Variants in UBE2QL1 observed in about 807,000 individuals in gnomAD.
UBE2QL1 encodes ubiquitin-conjugating enzyme E2Q-like protein 1.
UBE2QL1 carries 5 observed loss-of-function variants against 12.6 expected under a neutral mutation model. The observed-to-expected ratio is 0.40, with a 90% CI of 0.21 to 0.83. The LOEUF (loss-of-function observed/expected upper bound fraction) is 0.83, where lower values mean the gene tolerates loss of function less well. UBE2QL1 is among the 40% of genes least tolerant of loss of function. UBE2QL1 has a pLI of 0.37. For synonymous variants in UBE2QL1, 96 were observed against 94.5 expected, an observed-to-expected ratio of 1.02 and a Z score of -0.10; for missense variants, 99 against 222.6, an observed-to-expected ratio of 0.44 and a Z score of 3.53.
At chr5:6,475,747 G>A (rs1212273515) in intron 1 of UBE2QL1, among the ~76,000 whole-genome samples, 1 of 152,010 alleles carries the variant, frequency 6.6e-6, no homozygotes, top group Non-Finnish European at 1.5e-5. Flanking sequence ...TGTAAAGGGA[G>A]CATTAGACTT....
intron 1 of UBE2QL1, among the ~76,000 whole-genome samples, chr5:6,458,307 A>C (rs575637974): frequency 1.3e-5 from 2 of 152,356 alleles, no homozygotes; most frequent in African/African-American, 4.8e-5. Flanking sequence ...GTAAAGGATC[A>C]GTTACACGTA....
At chr5:6,454,532 A>G (rs1317380983) in intron 1 of UBE2QL1, among the ~76,000 whole-genome samples, 1 of 152,188 alleles carries the variant, frequency 6.6e-6, no homozygotes, top group African/African-American at 2.4e-5. Flanking sequence ...GGGAGGAGAA[A>G]CAATTCAGCC....
rs1477303475 is a variant in UBE2QL1 at position 6,456,572 on chromosome 5, T to G, written c.354+7325T>G. Reference sequence around the variant, plus strand: ...GCAAGCTAAGCTAAGGTTTAATTGTTCAGTTATTTTCTCATTGTTACACAC... The same window carrying G: ...GCAAGCTAAGCTAAGGTTTAATTGTGCAGTTATTTTCTCATTGTTACACAC... On this transcript the variant is annotated intron_variant, in intron 1 of 1. Transcript: ENST00000399816. Among the ~76,000 whole-genome samples the G allele has an allele frequency of 7.2e-5, 11 of 152,358 alleles. No individual in the cohort carries two copies. In the East Asian group the frequency reaches 2.1e-3, roughly 29 times the overall value.
At position 6,449,052 on chromosome 5, in the gene UBE2QL1, G is replaced by A. The variant is rs1163146755; in HGVS notation, c.159G>A (p.Leu53=). ...AGGAGACCAACACCGAGTTCATCCT[G>A]CTCAACCTCACCTTCCCCGACAACT... ...DMKETNTEFI[L]LNLTFPDNFP... Residue 53 remains leucine (L), a synonymous_variant, in exon 1 of 2, where the codon CTG becomes CTA. Transcript: ENST00000399816. 6.5e-7 allele frequency: 1 copy of A among 1,549,046 alleles called. No homozygotes were observed. Among genetic ancestry groups the A allele is most frequent in the Non-Finnish European group, 8.7e-7 (1 of 1,145,844 alleles).
At chr5:6,461,715 A>T (rs1739670154) in intron 1 of UBE2QL1, among the ~76,000 whole-genome samples, 1 of 151,998 alleles carries the variant, frequency 6.6e-6, no homozygotes, top group South Asian at 2.1e-4. Context: ...TGCTCAGACC[A>T]TTTGTTCATA....
At chr5:6,459,003 G>A (rs571857039) in intron 1 of UBE2QL1, among the ~76,000 whole-genome samples, 2,400 of 152,190 alleles carry the variant, frequency 0.016, 20 homozygotes, top group Non-Finnish European at 0.023. Context: ...GGAGAGAAGA[G>A]CACAGCAAAG....
At chr5:6,468,063 G>A (rs1285675597) in intron 1 of UBE2QL1, among the ~76,000 whole-genome samples, 1 of 152,044 alleles carries the variant, frequency 6.6e-6, no homozygotes, top group African/African-American at 2.4e-5. Flanking sequence ...CCATTTCCCT[G>A]TGATCCCTGG....
intron 1 of UBE2QL1, among the ~76,000 whole-genome samples, chr5:6,466,301 C>T (rs1300669637): frequency 1.3e-5 from 2 of 152,228 alleles, no homozygotes; most frequent in Non-Finnish European, 2.9e-5. Flanking sequence ...GTGAGCTGCT[C>T]ACGAGCCCCT....
chr5:6,469,400 T>A (rs1739859662), intron 1 of UBE2QL1, among the ~76,000 whole-genome samples: 1 of 149,378 alleles, frequency 6.7e-6, no homozygotes. Context: ...ATATTTTATA[T>A]ATTTATATCT....
In UBE2QL1 at chr5:6,496,111, G is replaced by A. The variant is rs763039391; in HGVS notation, c.*4762G>A. ...AGAGTGCAATGAGGGGGTCAGGTGCGAGGCCGTCCTCCCAGGTCAGTAAGG... is the reference window on the plus strand; with the variant it reads ...AGAGTGCAATGAGGGGGTCAGGTGCAAGGCCGTCCTCCCAGGTCAGTAAGG... On this transcript the variant is annotated 3_prime_UTR_variant, in exon 2 of 2. Transcript: ENST00000399816. Among the ~76,000 whole-genome samples, 1 of 152,132 alleles carries A rather than the reference G, an allele frequency of 6.6e-6. No individual in the cohort carries two copies.
chr5:6,455,924 C>T (rs190040043), intron 1 of UBE2QL1, among the ~76,000 whole-genome samples: 6 of 152,204 alleles, frequency 3.9e-5, no homozygotes, highest in Non-Finnish European at 7.3e-5. Context: ...GCCTTCCTCC[C>T]TGGACTGCTT....
rs1310319696 is a variant in UBE2QL1, at chr5:6,481,076, A to G, written c.355-10142A>G. Among the ~76,000 whole-genome samples, 1 of 152,162 alleles carries G rather than the reference A, an allele frequency of 6.6e-6. No homozygotes were observed. The highest frequency in any genetic ancestry group is 2.4e-5 in the African/African-American group (1 of 41,432). ...GTTTTGATAGTATTATAAACCAAGT[A>G]ACCATCACACATCTCAGATGACTGT... On this transcript the variant is annotated intron_variant, in intron 1 of 1. Transcript: ENST00000399816. This position sits in a 1 kb window ranked among gnomAD's most constrained non-coding sequence, Gnocchi z 4.5.
rs1201854727 is a variant in UBE2QL1 at position 6,493,736 on chromosome 5, A to G, written c.*2387A>G. The G allele has an allele frequency of 6.6e-6, 1 of 152,164 alleles. No homozygotes were observed. Among genetic ancestry groups the G allele is most frequent in the African/African-American group, 2.4e-5 (1 of 41,410 alleles). 9.4% of individuals were successfully genotyped at this position (152,164 alleles called of 1,614,324 possible). ...GTAGGAAGTGATGTAAAACTCTACC[A>G]TTGCTTGGACTGTTAGGAGTGCGGA... On this transcript the variant is annotated 3_prime_UTR_variant, in exon 2 of 2. Transcript: ENST00000399816.
intron 1 of UBE2QL1, among the ~76,000 whole-genome samples, chr5:6,483,520 C>A (rs1031398669): frequency 2.0e-5 from 3 of 152,134 alleles, no homozygotes; most frequent in Non-Finnish European, 4.4e-5. Context: ...GTGTTCCCTG[C>A]ATGTCAGCAG....
chr5:6,460,972 T>G (rs1409321871), intron 1 of UBE2QL1, among the ~76,000 whole-genome samples: 1 of 152,196 alleles, frequency 6.6e-6, no homozygotes, highest in Non-Finnish European at 1.5e-5. Flanking sequence ...ACCCCAGCAA[T>G]TATCACAAGT....
intron 1 of UBE2QL1, among the ~76,000 whole-genome samples, chr5:6,454,700 G>A (rs1353687986): frequency 2.0e-5 from 3 of 152,170 alleles, no homozygotes; most frequent in African/African-American, 7.2e-5. Context: ...TGCACACCCG[G>A]AGGGAAGCTA....
chr5:6,455,423 A>T (rs1739499912), intron 1 of UBE2QL1, among the ~76,000 whole-genome samples: 1 of 152,116 alleles, frequency 6.6e-6, no homozygotes, highest in South Asian at 2.1e-4. Flanking sequence ...TTTGAGCCCC[A>T]CTTTGGAGCT....
At chr5:6,465,598 C>T (rs931953833) in intron 1 of UBE2QL1, among the ~76,000 whole-genome samples, 4 of 152,198 alleles carry the variant, frequency 2.6e-5, no homozygotes, top group African/African-American at 9.7e-5. Context: ...CTTTGCACCT[C>T]GTTTCAACAG....
chr5:6,480,444 G>A (rs139753987), intron 1 of UBE2QL1, among the ~76,000 whole-genome samples: 6 of 152,314 alleles, frequency 3.9e-5, no homozygotes, highest in Non-Finnish European at 8.8e-5. Flanking sequence ...ACTAATGAGC[G>A]TATCTGTCAC....
Sources: allele counts gnomAD v4.1 joint callset (sites outside exome capture counted in the v4.1 genomes callset), GRCh38; gene constraint gnomAD v4.1.1; non-coding constraint Gnocchi (gnomAD v3.1); transcripts MANE v1.5; gene names NCBI Gene and HGNC (gene_info 2026-07-23, HGNC 2026-07-21).